The following CHN2 variants were observed in gnomAD, a reference collection of about 807,000 sequenced individuals.
CHN2 encodes beta-chimaerin.
CHN2 carries 35 observed loss-of-function variants against 56.3 expected under a neutral mutation model. That is an observed-to-expected ratio of 0.62 (90% CI 0.47 to 0.82). CHN2 has a LOEUF of 0.82. Among genes scored for constraint, CHN2 ranks in the 40% least tolerant of loss-of-function variants. The probability of loss-of-function intolerance (pLI) is 0.00; values close to 1 mark genes in which losing one functional copy is unlikely to be tolerated. For synonymous variants in CHN2, 210 were observed against 212.8 expected, an observed-to-expected ratio of 0.99 and a Z score of 0.12; for missense variants, 491 against 580.5, an observed-to-expected ratio of 0.85 and a Z score of 1.58.
rs70980520 is a variant in CHN2, at chr7:29,283,922, C to CTTTTTTTTTT, written c.50-70682_50-70673dup. On this transcript the variant is annotated intron_variant, in intron 1 of 12. Transcript: ENST00000222792. ...AGGAGCCACCGTTCCCAGCCAAGCT[C>CTTTTTTTTTT]TTTTTTTTTTTTTTTTTTTTTTTTT... 1.1e-4 allele frequency among the ~76,000 whole-genome samples: 8 copies of CTTTTTTTTTT among 70,002 alleles called. 1 individual carries two copies. The highest frequency in any genetic ancestry group is 4.5e-4 in the African/African-American group (7 of 15,710). 45.9% of individuals were successfully genotyped at this position (70,002 alleles called of 152,430 possible). A position where few individuals can be genotyped will look rare whatever the true frequency, so the allele number is the denominator to read the frequency against.
At chr7:29,436,761 T>C (rs947161588) in intron 6 of CHN2, among the ~76,000 whole-genome samples, 1 of 152,172 alleles carries the variant, frequency 6.6e-6, no homozygotes, top group African/African-American at 2.4e-5. Context: ...TGATTCTCTC[T>C]TAATTGGGAT....
chr7:29,191,051 C>T (rs1208223269), upstream of CHN2, among the ~76,000 whole-genome samples: 3 of 152,102 alleles, frequency 2.0e-5, no homozygotes, highest in Non-Finnish European at 4.4e-5. Context: ...TCTCCCCCCT[C>T]AGCCTCCCAA....
chr7:29,220,759 A>T (rs1159510671), intron 1 of CHN2, among the ~76,000 whole-genome samples: 3 of 152,212 alleles, frequency 2.0e-5, no homozygotes, highest in Non-Finnish European at 4.4e-5. Flanking sequence ...ACAAACTCTT[A>T]TAGAAAATAG....
chr7:29,159,311 C>T (rs938074300), intron 2 of CHN2, among the ~76,000 whole-genome samples: 2 of 152,136 alleles, frequency 1.3e-5, no homozygotes, highest in African/African-American at 2.4e-5. Context: ...TGGTTAGAAG[C>T]AGAATAAGGG....
chr7:29,286,826 A>G (rs1397974401), intron 1 of CHN2, among the ~76,000 whole-genome samples: 2 of 152,120 alleles, frequency 1.3e-5, no homozygotes, highest in Non-Finnish European at 2.9e-5. Flanking sequence ...TTTTTCATAT[A>G]CCTTTCTCCT....
chr7:29,264,970 G>T (rs1342914125), intron 1 of CHN2, among the ~76,000 whole-genome samples: 2 of 151,696 alleles, frequency 1.3e-5, no homozygotes, highest in African/African-American at 4.8e-5. Flanking sequence ...ATTGGGAAAT[G>T]ATCTCAGAAC....
chr7:29,351,039 C>T (rs773461393), intron 1 of CHN2, among the ~76,000 whole-genome samples: 4 of 133,628 alleles, frequency 3.0e-5, no homozygotes, highest in South Asian at 2.5e-4. Flanking sequence ...ACCTGGGAGG[C>T]GGAGGTTGCG....
chr7:29,399,157 A>C (rs2128083183), intron 5 of CHN2, among the ~76,000 whole-genome samples: 1 of 152,308 alleles, frequency 6.6e-6, no homozygotes, highest in East Asian at 1.9e-4. Flanking sequence ...CTGATCATGG[A>C]CACACAGTAA....
intron 1 of CHN2, among the ~76,000 whole-genome samples, chr7:29,260,397 C>G (rs1789438360): frequency 6.6e-6 from 1 of 152,164 alleles, no homozygotes; most frequent in African/African-American, 2.4e-5. Flanking sequence ...ATTTTGTCAT[C>G]TCTCATTGGC....
At chr7:29,338,939 C>A (rs1796827447) in intron 1 of CHN2, among the ~76,000 whole-genome samples, 1 of 151,976 alleles carries the variant, frequency 6.6e-6, no homozygotes, top group Non-Finnish European at 1.5e-5. Flanking sequence ...TAATGAAAGA[C>A]TATTAATAAA....
chr7:29,235,542 AC>A (rs949304409), intron 1 of CHN2, among the ~76,000 whole-genome samples: 23 of 152,120 alleles, frequency 1.5e-4, no homozygotes, highest in Admixed American at 2.0e-4. Context: ...CTGGATATAT[AC>A]CCCCCAAAAT....
chr7:29,168,170 T>A (rs968431103), intron 2 of CHN2, among the ~76,000 whole-genome samples: 6 of 152,210 alleles, frequency 3.9e-5, no homozygotes, highest in African/African-American at 1.4e-4. Context: ...AGACTGCACA[T>A]CTTCTGACGT....
chr7:29,265,050 C>G (rs1488067252), intron 1 of CHN2, among the ~76,000 whole-genome samples: 2 of 152,082 alleles, frequency 1.3e-5, no homozygotes, highest in African/African-American at 4.8e-5. Context: ...CTTTGGGCAA[C>G]TTTATGTTGA....
intron 6 of CHN2, among the ~76,000 whole-genome samples, chr7:29,427,096 T>C (rs1804938434): frequency 6.6e-6 from 1 of 152,176 alleles, no homozygotes. Flanking sequence ...GGTGGGTGGA[T>C]CACTTGAGGT....
intron 1 of CHN2, among the ~76,000 whole-genome samples, chr7:29,211,534 A>G (rs1303198584): frequency 6.6e-6 from 1 of 151,898 alleles, no homozygotes; most frequent in South Asian, 2.1e-4. Context: ...CCTGTTATAT[A>G]TGATGTGCTC....
At chr7:29,171,946 T>G (rs564702530) in intron 2 of CHN2, among the ~76,000 whole-genome samples, 160 of 152,300 alleles carry the variant, frequency 1.1e-3, no homozygotes, top group Non-Finnish European at 1.8e-3. Flanking sequence ...ACAATCCAGC[T>G]GTATCTGAAG....
chr7:29,351,698 GT>G (rs1199525767), intron 1 of CHN2, among the ~76,000 whole-genome samples: 1 of 152,170 alleles, frequency 6.6e-6, no homozygotes, highest in Non-Finnish European at 1.5e-5. Context: ...AGCTTGGCTT[GT>G]TTTAGGAACA....
At chr7:29,452,285 G>A (rs2128131569) in intron 6 of CHN2, among the ~76,000 whole-genome samples, 1 of 152,242 alleles carries the variant, frequency 6.6e-6, no homozygotes, top group South Asian at 2.1e-4. Flanking sequence ...TCATCTCCTG[G>A]GTGAGGACAC....
At chr7:29,204,828 T>G (rs1784411816) in intron 1 of CHN2, among the ~76,000 whole-genome samples, 1 of 152,206 alleles carries the variant, frequency 6.6e-6, no homozygotes, top group Non-Finnish European at 1.5e-5. Flanking sequence ...TATGAATTCT[T>G]CAGTGGAAAA....
Sources: gnomAD v4.1 joint callset for allele counts (sites outside exome capture counted in the v4.1 genomes callset) on GRCh38, gnomAD v4.1.1 for gene constraint, MANE v1.5 for transcripts, NCBI Gene and HGNC (gene_info 2026-07-23, HGNC 2026-07-21) for gene names.